The following DGKB variants were observed in gnomAD, a reference collection of about 807,000 sequenced individuals.
DGKB encodes the protein diacylglycerol kinase beta.
In DGKB, 67 loss-of-function variants were observed where a neutral mutation model predicts 114.3. The ratio of observed to expected loss-of-function variants is 0.59; its 90% CI spans 0.48 to 0.72. DGKB has a LOEUF of 0.72. Ranked by LOEUF, DGKB falls within the 30% of genes least tolerant of loss-of-function variation. DGKB has a pLI of 0.00. For synonymous variants in DGKB, 398 were observed against 323.1 expected (o/e 1.23, Z -2.49); for missense variants, 907 against 975.2 (o/e 0.93, Z 0.93).
chr7:14,793,533 T>C (rs548451880), intron 2 of DGKB, among the ~76,000 whole-genome samples: 1 of 152,276 alleles, frequency 6.6e-6, no homozygotes, highest in Non-Finnish European at 1.5e-5. Context: ...GATGACTACA[T>C]ACTTTTTAAA....
chr7:14,220,624 G>T (rs888774084), intron 23 of DGKB, among the ~76,000 whole-genome samples: 1 of 151,466 alleles, frequency 6.6e-6, no homozygotes, highest in African/African-American at 2.4e-5. Context: ...AATTCCAAAT[G>T]AATTTTAGAA....
intron 20 of DGKB, among the ~76,000 whole-genome samples, chr7:14,520,874 C>T (rs1240557296): frequency 6.6e-6 from 1 of 152,054 alleles, no homozygotes; most frequent in Non-Finnish European, 1.5e-5. Context: ...CTGGGAAGGT[C>T]TGTCCTCAGA....
At chr7:14,151,273 C>T (rs1474696378) in intron 25 of DGKB, among the ~76,000 whole-genome samples, 4 of 151,678 alleles carry the variant, frequency 2.6e-5, no homozygotes, top group Non-Finnish European at 5.9e-5. Context: ...TCATTATTTC[C>T]AAATAGTTGT....
At chr7:14,686,167 G>A (rs1821647532) in intron 9 of DGKB, among the ~76,000 whole-genome samples, 1 of 151,884 alleles carries the variant, frequency 6.6e-6, no homozygotes. Flanking sequence ...TCCCACTTTA[G>A]CAAAACACTT....
At chr7:14,756,994 G>A (rs1834968558) in intron 3 of DGKB, among the ~76,000 whole-genome samples, 1 of 151,928 alleles carries the variant, frequency 6.6e-6, no homozygotes, top group African/African-American at 2.4e-5. Context: ...TTCCAGCATG[G>A]TATTCAAAAG....
chr7:14,769,085 G>T (rs1836901954), intron 2 of DGKB, among the ~76,000 whole-genome samples: 1 of 88,898 alleles, frequency 1.1e-5, no homozygotes, highest in African/African-American at 6.1e-5. Flanking sequence ...AAGAAAGAAA[G>T]AAAGAAAGAA....
intron 1 of DGKB, among the ~76,000 whole-genome samples, chr7:14,884,000 C>A (rs1854638779): frequency 6.6e-6 from 1 of 151,792 alleles, no homozygotes; most frequent in Admixed American, 6.6e-5. Context: ...ACAAAGTGAG[C>A]CAAAAGGAAT....
chr7:14,758,202 C>T (rs1029289732), intron 2 of DGKB, among the ~76,000 whole-genome samples: 7 of 151,686 alleles, frequency 4.6e-5, no homozygotes, highest in African/African-American at 1.7e-4. Flanking sequence ...TAAAGCTTAC[C>T]CTATTCAATG....
intron 23 of DGKB, chr7:14,209,541 G>T (rs1301319178): frequency 8.0e-6 from 4 of 501,310 alleles, no homozygotes. Context: ...GCTGCACAGA[G>T]CTCCACTCCT....
At chr7:14,258,233 T>C (rs1395950387) in intron 23 of DGKB, among the ~76,000 whole-genome samples, 1 of 152,194 alleles carries the variant, frequency 6.6e-6, no homozygotes, top group Non-Finnish European at 1.5e-5. Context: ...TCAAGTATGG[T>C]TGAATTTAAT....
intron 21 of DGKB, among the ~76,000 whole-genome samples, chr7:14,455,531 G>A (rs1317821554): frequency 2.0e-5 from 3 of 151,844 alleles, no homozygotes; most frequent in Admixed American, 6.6e-5. Context: ...TACATATACT[G>A]GTCTTCAGTA....
At chr7:14,789,537 T>A (rs1241337491) in intron 2 of DGKB, among the ~76,000 whole-genome samples, 1 of 152,158 alleles carries the variant, frequency 6.6e-6, no homozygotes, top group Non-Finnish European at 1.5e-5. Context: ...CTATTATGAA[T>A]GAAGTGCTTT....
intron 1 of DGKB, among the ~76,000 whole-genome samples, chr7:14,867,127 G>C (rs1031797734): frequency 2.6e-5 from 4 of 152,120 alleles, no homozygotes; most frequent in Admixed American, 1.3e-4. Flanking sequence ...TTGGATAAAA[G>C]TCCTTTATGA....
At chr7:14,464,539 T>C (rs1031824390) in intron 21 of DGKB, among the ~76,000 whole-genome samples, 3 of 152,162 alleles carry the variant, frequency 2.0e-5, no homozygotes, top group Non-Finnish European at 4.4e-5. Context: ...GAAGAGTGCA[T>C]AGTGGCATGT....
chr7:14,465,600 C>G (rs1833715336), intron 21 of DGKB, among the ~76,000 whole-genome samples: 1 of 152,074 alleles, frequency 6.6e-6, no homozygotes, highest in Non-Finnish European at 1.5e-5. Context: ...AACACAGCCC[C>G]CAGGTTGATG....
intron 21 of DGKB, among the ~76,000 whole-genome samples, chr7:14,393,078 C>G (rs547747544): frequency 7.6e-5 from 11 of 145,464 alleles, no homozygotes; most frequent in African/African-American, 2.8e-4. Context: ...AAGCTCTGCC[C>G]CCTGGGGTTC....
chr7:14,679,251 AATT>A (rs1820420599), intron 12 of DGKB, among the ~76,000 whole-genome samples: 1 of 152,022 alleles, frequency 6.6e-6, no homozygotes, highest in African/African-American at 2.4e-5. Flanking sequence ...CCACAAATAT[AATT>A]GTTACTTACT....
At chr7:14,963,107 AT>A (rs1226447261) in intron 1 of DGKB, among the ~76,000 whole-genome samples, 6 of 152,070 alleles carry the variant, frequency 3.9e-5, no homozygotes, top group African/African-American at 1.4e-4. Flanking sequence ...TTAGATTTCC[AT>A]TCCAAAATAA....
intron 23 of DGKB, among the ~76,000 whole-genome samples, chr7:14,179,033 A>G (rs1382833658): frequency 6.6e-6 from 1 of 152,236 alleles, no homozygotes; most frequent in African/African-American, 2.4e-5. Flanking sequence ...CAGAGCCAAA[A>G]AGTGAACCTA....
Sources: gnomAD v4.1 joint callset for allele counts (sites outside exome capture counted in the v4.1 genomes callset) on GRCh38, gnomAD v4.1.1 for gene constraint, MANE v1.5 for transcripts, NCBI Gene and HGNC (gene_info 2026-07-23, HGNC 2026-07-21) for gene names.